MAGI2: variants seen among roughly 807,000 people sequenced by gnomAD.
MAGI2 encodes membrane associated guanylate kinase, WW and PDZ domain containing 2.
In MAGI2, 35 loss-of-function variants were observed where a neutral mutation model predicts 133.3. That is an observed-to-expected ratio of 0.26 (90% CI 0.20 to 0.35). The LOEUF (loss-of-function observed/expected upper bound fraction) is 0.35, where lower values mean the gene tolerates loss of function less well. MAGI2 is among the 10% of genes least tolerant of loss of function. The pLI is 1.00. For missense variants in MAGI2, 1,636 were observed against 1,863.4 expected (o/e 0.88, Z 2.25); for synonymous variants, 729 against 710.6 (o/e 1.03, Z -0.41).
At chr7:78,488,510 G>A (rs1196159741) in intron 6 of MAGI2, among the ~76,000 whole-genome samples, 1 of 150,870 alleles carries the variant, frequency 6.6e-6, no homozygotes, top group Non-Finnish European at 1.5e-5. Context: ...AGTTAGAACA[G>A]GTCATGTTAA....
intron 3 of MAGI2, 101 bp downstream of exon 3, chr7:78,627,019 C>G: frequency 2.4e-6 from 3 of 1,268,480 alleles, no homozygotes; most frequent in African/African-American, 1.5e-5. Context: ...AGCTCTCAAA[C>G]CCAAAACAGC....
intron 2 of MAGI2, among the ~76,000 whole-genome samples, chr7:78,747,179 T>C (rs1823002092): frequency 6.6e-6 from 1 of 152,160 alleles, no homozygotes; most frequent in Admixed American, 6.6e-5. Flanking sequence ...GTGGTAGCAA[T>C]GCAAATAAGC....
At chr7:78,057,325 C>T (rs541310633) in intron 21 of MAGI2, among the ~76,000 whole-genome samples, 6 of 152,210 alleles carry the variant, frequency 3.9e-5, no homozygotes, top group African/African-American at 1.4e-4. Context: ...TCGCTACAAC[C>T]TCTGCCTTCT....
At chr7:78,878,991 T>G (rs547876) in intron 2 of MAGI2, among the ~76,000 whole-genome samples, 92,071 of 152,034 alleles carry the variant, frequency 0.61, 29,316 homozygotes, top group Middle Eastern at 0.75. Flanking sequence ...TATAGTTCAG[T>G]AGGGCCCCTA....
chr7:79,214,441 A>ATG (rs1829826562), intron 1 of MAGI2, among the ~76,000 whole-genome samples: 1 of 121,640 alleles, frequency 8.2e-6, no homozygotes, highest in African/African-American at 3.1e-5. Flanking sequence ...ATATATATAT[A>ATG]TAAATATGCA....
At chr7:78,917,178 GGAA>G (rs1309742570) in intron 2 of MAGI2, among the ~76,000 whole-genome samples, 7 of 152,086 alleles carry the variant, frequency 4.6e-5, no homozygotes, top group Middle Eastern at 3.4e-3. Context: ...GGAAAAGAGA[GGAA>G]GAAGAAGGAG....
intron 2 of MAGI2, among the ~76,000 whole-genome samples, chr7:78,942,412 G>A (rs868019798): frequency 2.1e-4 from 32 of 152,116 alleles, no homozygotes; most frequent in African/African-American, 6.3e-4. Context: ...GTTTATTTTT[G>A]TTTAATAGTT....
intron 1 of MAGI2, among the ~76,000 whole-genome samples, chr7:79,055,784 G>A (rs1408620129): frequency 3.3e-5 from 5 of 151,990 alleles, no homozygotes; most frequent in Admixed American, 2.0e-4. Flanking sequence ...AGGATTTTAC[G>A]TCCACTACAT....
intron 6 of MAGI2, among the ~76,000 whole-genome samples, chr7:78,472,908 A>G (rs1044720763): frequency 2.0e-5 from 3 of 152,148 alleles, no homozygotes; most frequent in African/African-American, 7.2e-5. Flanking sequence ...GCTCTGCTGC[A>G]TGCCTAGTGG....
intron 1 of MAGI2, among the ~76,000 whole-genome samples, chr7:79,267,499 G>A (rs572079692): frequency 2.0e-5 from 3 of 152,288 alleles, no homozygotes; most frequent in East Asian, 3.9e-4. Flanking sequence ...GTGCTGGCTC[G>A]GGGTTGCCTT....
intron 9 of MAGI2, among the ~76,000 whole-genome samples, chr7:78,336,459 A>G (rs994627525): frequency 2.0e-5 from 3 of 152,196 alleles, no homozygotes; most frequent in Admixed American, 2.0e-4. Context: ...ATGGTGCCTC[A>G]TAACTGTAAT....
At chr7:78,608,524 A>G (rs1453601102) in intron 3 of MAGI2, among the ~76,000 whole-genome samples, 1 of 151,892 alleles carries the variant, frequency 6.6e-6, no homozygotes, top group Non-Finnish European at 1.5e-5. Flanking sequence ...GTGTCTGTGC[A>G]TGTAGCTTAG....
intron 2 of MAGI2, among the ~76,000 whole-genome samples, chr7:78,821,986 C>T (rs1379105164): frequency 6.6e-6 from 1 of 151,936 alleles, no homozygotes; most frequent in Non-Finnish European, 1.5e-5. Flanking sequence ...TCAAAATATA[C>T]ATTTTAAGTT....
intron 2 of MAGI2, among the ~76,000 whole-genome samples, chr7:78,887,244 C>T (rs1440154063): frequency 3.9e-5 from 6 of 152,230 alleles, no homozygotes; most frequent in Non-Finnish European, 8.8e-5. Flanking sequence ...CAAATAAAGT[C>T]TCTGCTTAGC....
intron 4 of MAGI2, among the ~76,000 whole-genome samples, chr7:78,514,179 A>G (rs934354093): frequency 6.6e-6 from 1 of 150,758 alleles, no homozygotes; most frequent in African/African-American, 2.4e-5. Flanking sequence ...TTGATTTAAA[A>G]TGACACTTCT....
chr7:78,559,136 C>CAAAAAAAAAAAAAAAAAAAAAAAAAAAA (rs71085541), intron 3 of MAGI2, among the ~76,000 whole-genome samples: 4 of 54,724 alleles, frequency 7.3e-5, no homozygotes, highest in African/African-American at 1.6e-4. Flanking sequence ...TCTGAATTTC[C>CAAAAAAAAAAAAAAAAAAAAAAAAAAAA]AAAAAAAAAA....
At chr7:79,066,397 C>T (rs2117113159) in intron 1 of MAGI2, among the ~76,000 whole-genome samples, 1 of 151,876 alleles carries the variant, frequency 6.6e-6, no homozygotes, top group East Asian at 1.9e-4. Context: ...TATCCTTCAC[C>T]CACTTTTTGA....
At chr7:79,368,240 A>G (rs1286881886) in intron 1 of MAGI2, among the ~76,000 whole-genome samples, 1 of 152,146 alleles carries the variant, frequency 6.6e-6, no homozygotes, top group Non-Finnish European at 1.5e-5. Context: ...AGCATAATAG[A>G]GCTAGACAGG....
At chr7:78,313,325 G>A (rs945065084) in intron 9 of MAGI2, among the ~76,000 whole-genome samples, 1 of 151,876 alleles carries the variant, frequency 6.6e-6, no homozygotes, top group African/African-American at 2.4e-5. Context: ...AATTGTACTT[G>A]TATCCCCTAA....
Sources: gnomAD v4.1 joint callset for allele counts (sites outside exome capture counted in the v4.1 genomes callset) on GRCh38, gnomAD v4.1.1 for gene constraint, MANE v1.5 for transcripts, NCBI Gene and HGNC (gene_info 2026-07-23, HGNC 2026-07-21) for gene names.